The following PPP2R2B variants were observed in gnomAD, a reference collection of about 807,000 sequenced individuals.
The protein encoded by PPP2R2B is serine/threonine-protein phosphatase 2A 55 kDa regulatory subunit B beta isoform.
In PPP2R2B, 5 loss-of-function variants were observed where a neutral mutation model predicts 46.0. The ratio of observed to expected loss-of-function variants is 0.11; its 90% CI spans 0.06 to 0.23. The LOEUF (loss-of-function observed/expected upper bound fraction) is 0.23, where lower values mean the gene tolerates loss of function less well. Ranked by LOEUF, PPP2R2B falls within the 10% of genes least tolerant of loss-of-function variation. The pLI, the probability that PPP2R2B is intolerant of heterozygous loss-of-function variation, is 1.00. For missense variants in PPP2R2B, 367 were observed against 575.0 expected (o/e 0.64, Z 3.70); for synonymous variants, 215 against 206.7 (o/e 1.04, Z -0.34).
intron 1 of PPP2R2B, among the ~76,000 whole-genome samples, chr5:146,974,928 A>ACC (rs1752831353): frequency 1.3e-5 from 2 of 152,060 alleles, no homozygotes; most frequent in African/African-American, 4.8e-5. Flanking sequence ...CGACCTCGTG[A>ACC]TCCGCCCACC....
intron 1 of PPP2R2B, among the ~76,000 whole-genome samples, chr5:147,016,435 A>G (rs1755008583): frequency 6.6e-6 from 1 of 151,464 alleles, no homozygotes; most frequent in African/African-American, 2.4e-5. Context: ...CGTTGTTAGC[A>G]TAGAATTTGA....
intron 1 of PPP2R2B, among the ~76,000 whole-genome samples, chr5:147,053,621 A>C (rs2151904161): frequency 6.6e-6 from 1 of 152,130 alleles, no homozygotes; most frequent in South Asian, 2.1e-4. Flanking sequence ...ACTTTAAGTA[A>C]GTGTAACCAG....
intron 2 of PPP2R2B, among the ~76,000 whole-genome samples, chr5:146,755,243 C>T (rs1357597333): frequency 6.6e-6 from 1 of 152,124 alleles, no homozygotes; most frequent in Non-Finnish European, 1.5e-5. Context: ...TTCATACATG[C>T]ATTACTGACA....
upstream of PPP2R2B, among the ~76,000 whole-genome samples, chr5:147,057,656 G>A (rs1342568078): frequency 6.6e-6 from 1 of 152,214 alleles, no homozygotes; most frequent in African/African-American, 2.4e-5. Context: ...GCACATTGCA[G>A]GCACGTGATA....
At chr5:147,003,641 C>A (rs184870111) in intron 1 of PPP2R2B, among the ~76,000 whole-genome samples, 10 of 152,262 alleles carry the variant, frequency 6.6e-5, no homozygotes, top group Admixed American at 3.3e-4. Flanking sequence ...GGGACAAATT[C>A]TCTACCAGTC....
rs998437879 is a variant in PPP2R2B, at chr5:146,580,996, C to T, written c.*8951G>A. The T allele has an allele frequency of 6.6e-6, 1 of 151,938 alleles. No homozygotes were observed. Among genetic ancestry groups the T allele is most frequent in the Admixed American group, 6.6e-5 (1 of 15,248 alleles). 9.4% of individuals were successfully genotyped at this position (151,938 alleles called of 1,614,324 possible). A position where few individuals can be genotyped will look rare whatever the true frequency, so the allele number is the denominator to read the frequency against. ...GAACTTTCTTGTTCCATGATGGATA[C>T]TTTCTCGGTTTCTATGATATTTGTC... On this transcript the variant is annotated 3_prime_UTR_variant, in exon 10 of 10. Transcript: ENST00000394411.
Position 146,640,933 on chromosome 5 carries a change from C to T in PPP2R2B, c.626-2518G>A, listed in dbSNP as rs569688738. Among the ~76,000 whole-genome samples the T allele has an allele frequency of 3.3e-5, 5 of 152,278 alleles. No individual in the cohort carries two copies. In the South Asian group the frequency reaches 1.0e-3, roughly 32 times the overall value. On this transcript the variant is annotated intron_variant, in intron 6 of 9. Transcript: ENST00000394411. ...CCTACCCACCACCCAGCCCTCATCC[C>T]CAAGCCATTGGCTTCCTATCCCCAG...
chr5:146,891,373 C>G (rs116722330), intron 1 of PPP2R2B, among the ~76,000 whole-genome samples: 183 of 152,312 alleles, frequency 1.2e-3, no homozygotes, highest in Admixed American at 1.9e-3. Context: ...AATGTTTGCT[C>G]TTGGTATTAG....
At chr5:146,624,706 C>T (rs1773925653) in intron 7 of PPP2R2B, among the ~76,000 whole-genome samples, 2 of 152,206 alleles carry the variant, frequency 1.3e-5, no homozygotes, top group Admixed American at 6.5e-5. Context: ...TTACCATTGC[C>T]TACAGGTCTA....
At chr5:146,915,538 T>C (rs1279163521) in intron 1 of PPP2R2B, among the ~76,000 whole-genome samples, 1 of 152,120 alleles carries the variant, frequency 6.6e-6, no homozygotes, top group Non-Finnish European at 1.5e-5. Context: ...ATTGCCACTA[T>C]GTGAAATTTT....
chr5:146,992,968 A>G (rs545345062), intron 1 of PPP2R2B, among the ~76,000 whole-genome samples: 28 of 152,230 alleles, frequency 1.8e-4, no homozygotes, highest in African/African-American at 6.3e-4. Flanking sequence ...TTTTAGATGG[A>G]GTCTTGCTCT....
intron 2 of PPP2R2B, chr5:146,706,801 G>C (rs1467162680): frequency 2.3e-6 from 2 of 862,820 alleles, no homozygotes; most frequent in Non-Finnish European, 4.0e-6. Context: ...CCCGACTGCG[G>C]TTGGCGATCT....
chr5:147,050,913 A>C (rs917486947), intron 1 of PPP2R2B, among the ~76,000 whole-genome samples: 2 of 152,042 alleles, frequency 1.3e-5, no homozygotes, highest in Non-Finnish European at 2.9e-5. Context: ...CTCCTCTTGA[A>C]GGAGCATTGT....
intron 2 of PPP2R2B, among the ~76,000 whole-genome samples, chr5:146,724,177 G>C (rs1308599493): frequency 2.6e-5 from 4 of 152,066 alleles, no homozygotes; most frequent in East Asian, 3.9e-4. Context: ...AAAACATAGT[G>C]GTGTTAAGCC....
At chr5:146,805,376 G>A (rs1757114902) in intron 2 of PPP2R2B, among the ~76,000 whole-genome samples, 2 of 152,112 alleles carry the variant, frequency 1.3e-5, no homozygotes, top group Admixed American at 6.6e-5. Flanking sequence ...AAACAGCTGG[G>A]ATCCTTGAAT....
chr5:147,026,302 A>G (rs181987924), intron 1 of PPP2R2B, among the ~76,000 whole-genome samples: 3 of 152,280 alleles, frequency 2.0e-5, no homozygotes, highest in Admixed American at 2.0e-4. Flanking sequence ...AGATCGAACT[A>G]TTGCTACACA....
chr5:146,608,900 T>C (rs1427484566), intron 7 of PPP2R2B, among the ~76,000 whole-genome samples: 2 of 152,046 alleles, frequency 1.3e-5, no homozygotes, highest in Non-Finnish European at 2.9e-5. Flanking sequence ...TACAAAAAAA[T>C]AGAGGAGGGA....
intron 2 of PPP2R2B, among the ~76,000 whole-genome samples, chr5:147,062,012 T>C (rs1430217830): frequency 2.6e-5 from 4 of 152,210 alleles, no homozygotes; most frequent in Non-Finnish European, 5.9e-5. Context: ...TTGATTTTAA[T>C]AGATGATGAT....
At chr5:146,594,894 A>ATC (rs760246046) in intron 8 of PPP2R2B, among the ~76,000 whole-genome samples, 52 of 152,088 alleles carry the variant, frequency 3.4e-4, no homozygotes, top group African/African-American at 9.7e-4. Context: ...TGATGATTCG[A>ATC]TCTCTTTTTT....
Sources: allele counts gnomAD v4.1 joint callset (sites outside exome capture counted in the v4.1 genomes callset), GRCh38; gene constraint gnomAD v4.1.1; transcripts MANE v1.5; gene names NCBI Gene and HGNC (gene_info 2026-07-23, HGNC 2026-07-21).